USP15: variants seen among roughly 807,000 people sequenced by gnomAD.
USP15 encodes the protein ubiquitin specific peptidase 15.
USP15 carries 18 observed loss-of-function variants against 127.1 expected under a neutral mutation model. That is an observed-to-expected ratio of 0.14 (90% CI 0.10 to 0.21). The LOEUF (loss-of-function observed/expected upper bound fraction) is 0.21, where lower values mean the gene tolerates loss of function less well. Ranked by LOEUF, USP15 falls within the 10% of genes least tolerant of loss-of-function variation. USP15 has a pLI of 1.00. For synonymous variants in USP15, 364 were observed against 393.7 expected (o/e 0.92, Z 0.89); for missense variants, 805 against 1,159.9 (o/e 0.69, Z 4.44).
chr12:62,407,757 TTA>T lies in USP15; in HGVS notation c.*3383_*3384del, dbSNP rs1258292198. 6.6e-6 allele frequency: 1 copy of T among 152,036 alleles called. No homozygotes were observed. Among genetic ancestry groups the T allele is most frequent in the Non-Finnish European group, 1.5e-5 (1 of 68,032 alleles). The allele number at this position is 152,036 out of a possible 1,614,324, so 9.4% of individuals were successfully genotyped here. On this transcript the variant is annotated 3_prime_UTR_variant, in exon 22 of 22. Coordinates refer to ENST00000280377, the MANE Select transcript of USP15 (RefSeq NM_001252078.2). ...GCTTTCTGTTTGTTTGTTTGTTTGT[TTA>T]GAGACAAGGTCTCCCTCTGTCGCCC...
intron 2 of USP15, among the ~76,000 whole-genome samples, chr12:62,301,482 T>C (rs2064318327): frequency 6.6e-6 from 1 of 152,132 alleles, no homozygotes; most frequent in Non-Finnish European, 1.5e-5. Flanking sequence ...AGCATATCCA[T>C]ACAATGAAAT....
intron 8 of USP15, among the ~76,000 whole-genome samples, chr12:62,378,459 G>A (rs1254927705): frequency 1.3e-5 from 2 of 152,048 alleles, no homozygotes; most frequent in Non-Finnish European, 2.9e-5. Flanking sequence ...GGCCCATTTA[G>A]GACTAAATAG....
chr12:62,324,403 A>G (rs1464649435), intron 5 of USP15, among the ~76,000 whole-genome samples: 2 of 151,996 alleles, frequency 1.3e-5, no homozygotes, highest in African/African-American at 2.4e-5. Flanking sequence ...TAAGTCCTCA[A>G]ATGATTGTAA....
Position 62,390,007 on chromosome 12 carries a change from T to C in USP15, c.1844+19T>C, listed in dbSNP as rs762033119. The C allele has an allele frequency of 1.3e-6, 2 of 1,546,254 alleles. No homozygotes were observed. The highest frequency in any genetic ancestry group is 1.2e-5 in the South Asian group (1 of 81,172). On this transcript the variant is annotated intron_variant, in intron 14 of 21. Transcript: ENST00000280377. ...GAATGTGGTAAGTGCCAGACAATTC[T>C]ACATTGACAAAATAAATATGGGAAT...
chr12:62,392,430 A>T (rs753556801), intron 18 of USP15, 43 bp downstream of exon 18: 16 of 1,425,486 alleles, frequency 1.1e-5, no homozygotes, highest in Admixed American at 2.2e-5. Flanking sequence ...TTCTTTAAGG[A>T]TTTATTCTGA....
Position 62,401,174 on chromosome 12 carries a change from T to G in USP15, c.2675-13T>G. 6.3e-7 allele frequency: 1 copy of G among 1,596,140 alleles called. No individual in the cohort carries two copies. The highest frequency in any genetic ancestry group is 8.6e-7 in the Non-Finnish European group (1 of 1,167,124). Reference sequence around the variant, plus strand: ...GATCATTTTCGTCACAGTGATTATATTTTTTTCATTAGATACTGCTTTTGC... The same window carrying G: ...GATCATTTTCGTCACAGTGATTATAGTTTTTTCATTAGATACTGCTTTTGC... On this transcript the variant is annotated splice_polypyrimidine_tract_variant and intron_variant, in intron 20 of 21. Coordinates refer to ENST00000280377, the MANE Select transcript of USP15 (RefSeq NM_001252078.2).
chr12:62,367,258 G>T (rs977100916), intron 8 of USP15, among the ~76,000 whole-genome samples: 1 of 151,950 alleles, frequency 6.6e-6, no homozygotes, highest in East Asian at 1.9e-4. Flanking sequence ...TTGAGATGGA[G>T]TCTCACTCTG....
chr12:62,341,442 G>A (rs1356638855), intron 6 of USP15, among the ~76,000 whole-genome samples: 1 of 151,938 alleles, frequency 6.6e-6, no homozygotes. Flanking sequence ...TGGTTTTTTT[G>A]CACATTAGTT....
chr12:62,288,212 T>G (rs2063838030), intron 1 of USP15, among the ~76,000 whole-genome samples: 1 of 152,168 alleles, frequency 6.6e-6, no homozygotes, highest in South Asian at 2.1e-4. Flanking sequence ...ACATTATCGA[T>G]TCTTCTGATC....
intron 1 of USP15, among the ~76,000 whole-genome samples, chr12:62,291,075 C>G (rs1267815804): frequency 1.3e-5 from 2 of 152,108 alleles, no homozygotes; most frequent in African/African-American, 4.8e-5. Flanking sequence ...CATGGTGAGG[C>G]CCTTCTTGCA....
intron 1 of USP15, chr12:62,274,376 T>C (rs1351529485): frequency 2.0e-5 from 3 of 149,588 alleles, no homozygotes; most frequent in African/African-American, 4.9e-5. Context: ...CAGGAACATT[T>C]ATCTGAAAAT....
chr12:62,398,000 GTT>G (rs113359688), intron 20 of USP15, among the ~76,000 whole-genome samples: 2 of 147,482 alleles, frequency 1.4e-5, no homozygotes, highest in Admixed American at 6.8e-5. Context: ...TTATCTATAC[GTT>G]TTTTTTTTGA....
rs975300243 is a variant in USP15 at position 62,391,278 on chromosome 12, A to T, written c.2082A>T (p.Leu694Phe). 3 of 1,613,682 alleles carry T rather than the reference A, an allele frequency of 1.9e-6. No homozygotes were observed. The highest frequency in any genetic ancestry group is 4.5e-5 in the East Asian group (2 of 44,828). ...VGGDNDSENG[L>F]CTEDTCKGQL... Reference sequence around the variant, plus strand: ...GAGATAATGATTCTGAAAATGGATTATGTACTGAGGATACTTGCAAAGGTC... The same window carrying T: ...GAGATAATGATTCTGAAAATGGATTTTGTACTGAGGATACTTGCAAAGGTC... Residue 694 changes from leucine to phenylalanine, a missense_variant, in exon 16 of 22, where the codon TTA (leucine) becomes TTT (phenylalanine). Physicochemically the swap from Leu to Phe is conservative, Grantham distance 22 (BLOSUM62 0). Transcript: ENST00000280377.
Position 62,349,315 on chromosome 12 carries a change from C to T in USP15, c.770+8C>T, listed in dbSNP as rs756298548. On this transcript the variant is annotated splice_region_variant and intron_variant, in intron 7 of 21. Coordinates refer to ENST00000280377, the MANE Select transcript of USP15 (RefSeq NM_001252078.2). ...CAACATGAACAACAGAAAGTAAGCA[C>T]TGAATCTTAAAAACTCTTTGTTTAA... is the stretch of plus-strand genomic sequence containing the variant. 6.1e-5 allele frequency: 89 copies of T among 1,454,672 alleles called. No homozygotes were observed. The highest frequency in any genetic ancestry group is 4.8e-4 in the Admixed American group (20 of 41,610). 90.1% of individuals were successfully genotyped at this position (1,454,672 alleles called of 1,614,324 possible).
At chr12:62,282,665 G>A (rs1398348730) in intron 1 of USP15, among the ~76,000 whole-genome samples, 1 of 152,142 alleles carries the variant, frequency 6.6e-6, no homozygotes, top group Non-Finnish European at 1.5e-5. Context: ...AAGCCCTCTT[G>A]GTTATCAGGT....
intron 8 of USP15, among the ~76,000 whole-genome samples, chr12:62,357,088 T>C (rs2066155011): frequency 6.6e-6 from 1 of 152,086 alleles, no homozygotes; most frequent in Non-Finnish European, 1.5e-5. Context: ...TTGGTGCTTT[T>C]TCATAAATAT....
chr12:62,316,146 G>A (rs1186433517), intron 4 of USP15, among the ~76,000 whole-genome samples: 2 of 151,916 alleles, frequency 1.3e-5, no homozygotes, highest in Non-Finnish European at 2.9e-5. Context: ...TTAGCCGGGT[G>A]TAGTGGGTGT....
At chr12:62,290,484 C>T (rs935005504) in intron 1 of USP15, among the ~76,000 whole-genome samples, 1 of 152,112 alleles carries the variant, frequency 6.6e-6, no homozygotes, top group Non-Finnish European at 1.5e-5. Context: ...CCCCTTTCTT[C>T]AGTCTGTAAG....
chr12:62,283,875 G>A (rs551454065), intron 1 of USP15, among the ~76,000 whole-genome samples: 1 of 152,200 alleles, frequency 6.6e-6, no homozygotes, highest in Non-Finnish European at 1.5e-5. Flanking sequence ...CTGGGAAGTG[G>A]AGGTTGCAGT....
Sources: allele counts gnomAD v4.1 joint callset (sites outside exome capture counted in the v4.1 genomes callset), GRCh38; gene constraint gnomAD v4.1.1; transcripts MANE v1.5; gene names NCBI Gene and HGNC (gene_info 2026-07-23, HGNC 2026-07-21).